Variants in MGAT4C observed in about 807,000 individuals in gnomAD.
The protein encoded by MGAT4C is alpha-1,3-mannosyl-glycoprotein 4-beta-N-acetylglucosaminyltransferase C.
MGAT4C carries 19 observed loss-of-function variants against 40.1 expected under a neutral mutation model. The observed-to-expected ratio is 0.47, with a 90% CI of 0.33 to 0.70. The LOEUF (loss-of-function observed/expected upper bound fraction) is 0.70, where lower values mean the gene tolerates loss of function less well. Among genes scored for constraint, MGAT4C ranks in the 30% least tolerant of loss-of-function variants. The pLI is 0.02. For synonymous variants in MGAT4C, 181 were observed against 187.1 expected (o/e 0.97, Z 0.27); for missense variants, 491 against 563.2 (o/e 0.87, Z 1.30).
chr12:86,707,172 G>A (rs1416905111), intron 2 of MGAT4C, among the ~76,000 whole-genome samples: 1 of 152,128 alleles, frequency 6.6e-6, no homozygotes, highest in Non-Finnish European at 1.5e-5. Flanking sequence ...CCAGTAAAGT[G>A]GGAACTGCTA....
At chr12:86,317,773 A>G (rs1954279890) in intron 4 of MGAT4C, among the ~76,000 whole-genome samples, 1 of 151,970 alleles carries the variant, frequency 6.6e-6, no homozygotes, top group Middle Eastern at 3.4e-3. Flanking sequence ...AATTAATAAG[A>G]TATTTCAGGA....
At chr12:86,445,684 C>T (rs1456584861) in intron 2 of MGAT4C, among the ~76,000 whole-genome samples, 1 of 152,090 alleles carries the variant, frequency 6.6e-6, no homozygotes, top group African/African-American at 2.4e-5. Flanking sequence ...AAAATATTTA[C>T]ATAATAGAAT....
Position 86,246,326 on chromosome 12 carries a change from C to T in MGAT4C, c.-57+9913G>A, listed in dbSNP as rs953317459. On this transcript the variant is annotated intron_variant, in intron 1 of 4. Coordinates refer to ENST00000611864, the MANE Select transcript of MGAT4C (RefSeq NM_001351288.2). ...TCAGCCTCCGGAGTAGCTGGGACTACAGGCGCCCGTCAACCATTGCTTCTT... is the reference window on the plus strand; with the variant it reads ...TCAGCCTCCGGAGTAGCTGGGACTATAGGCGCCCGTCAACCATTGCTTCTT... Among the ~76,000 whole-genome samples the T allele has an allele frequency of 2.6e-5, 4 of 152,050 alleles. No individual in the cohort carries two copies. In the East Asian group the frequency reaches 7.8e-4, roughly 30 times the overall value.
At chr12:86,834,560 C>A (rs1021100548) in intron 1 of MGAT4C, among the ~76,000 whole-genome samples, 1 of 151,046 alleles carries the variant, frequency 6.6e-6, no homozygotes, top group Non-Finnish European at 1.5e-5. Context: ...GTCATTTGAT[C>A]CATATCACCA....
At chr12:86,093,799 C>T (rs188013908) in intron 1 of MGAT4C, among the ~76,000 whole-genome samples, 208 of 152,072 alleles carry the variant, frequency 1.4e-3, no homozygotes, top group Non-Finnish European at 2.3e-3. Context: ...TTAAATTACT[C>T]TTATTTACCT....
chr12:86,064,326 G>A (rs1894296886), intron 1 of MGAT4C, among the ~76,000 whole-genome samples: 1 of 152,142 alleles, frequency 6.6e-6, no homozygotes, highest in Non-Finnish European at 1.5e-5. Flanking sequence ...CTTGCAGTGA[G>A]CCAAGATCAC....
intron 1 of MGAT4C, among the ~76,000 whole-genome samples, chr12:86,728,336 A>C (rs115182288): frequency 0.02 from 3,120 of 152,220 alleles, 97 homozygotes; most frequent in African/African-American, 0.071. Flanking sequence ...CCCCTGTCTT[A>C]TTATAGAAAT....
At chr12:86,819,173 G>A (rs1023806634) in intron 1 of MGAT4C, among the ~76,000 whole-genome samples, 12 of 150,862 alleles carry the variant, frequency 8.0e-5, no homozygotes, top group African/African-American at 2.9e-4. Flanking sequence ...TTACATGAAA[G>A]AAGTCAATTA....
intron 2 of MGAT4C, among the ~76,000 whole-genome samples, chr12:86,015,028 G>T (rs1888936175): frequency 6.8e-6 from 1 of 147,192 alleles, no homozygotes; most frequent in Non-Finnish European, 1.5e-5. Flanking sequence ...GTCCAGGCTG[G>T]TCTTGAACTT....
chr12:86,816,663 T>C (rs1251528613), intron 1 of MGAT4C, among the ~76,000 whole-genome samples: 1 of 151,656 alleles, frequency 6.6e-6, no homozygotes, highest in Non-Finnish European at 1.5e-5. Context: ...ACTAAAAATT[T>C]TTTTAGAACA....
chr12:86,121,863 G>A lies in MGAT4C; in HGVS notation c.-56-72140C>T, dbSNP rs181239913. On this transcript the variant is annotated intron_variant, in intron 1 of 4. Coordinates refer to ENST00000611864, the MANE Select transcript of MGAT4C (RefSeq NM_001351288.2). ...AATTGTTCCCATTTAATTAATGAAG[G>A]CTTCCATAGCTTTGGAATAGATTTT... 4.3e-4 allele frequency among the ~76,000 whole-genome samples: 65 copies of A among 152,160 alleles called. No homozygotes were observed. In the Middle Eastern group the frequency reaches 0.014, roughly 32 times the overall value.
At chr12:86,301,570 G>T (rs912558481) in intron 4 of MGAT4C, among the ~76,000 whole-genome samples, 2 of 152,090 alleles carry the variant, frequency 1.3e-5, no homozygotes, top group Non-Finnish European at 2.9e-5. Flanking sequence ...TATTTGAGTG[G>T]ATGTATCTTC....
At chr12:86,342,878 G>A (rs566819264) in intron 3 of MGAT4C, among the ~76,000 whole-genome samples, 75 of 152,220 alleles carry the variant, frequency 4.9e-4, no homozygotes, top group African/African-American at 1.8e-3. Flanking sequence ...GCAATCGATT[G>A]ATTATAATTA....
intron 3 of MGAT4C, among the ~76,000 whole-genome samples, chr12:86,385,591 C>T (rs1035787065): frequency 2.6e-5 from 4 of 152,220 alleles, no homozygotes; most frequent in African/African-American, 4.8e-5. Flanking sequence ...TGGTCCAAGC[C>T]TGTCTTGTCA....
At chr12:86,672,184 C>G (rs572181586) in intron 2 of MGAT4C, among the ~76,000 whole-genome samples, 6 of 152,066 alleles carry the variant, frequency 3.9e-5, no homozygotes, top group Admixed American at 3.9e-4. Flanking sequence ...TCTTGAATGA[C>G]CAGTGGGACA....
chr12:86,506,960 G>C (rs1410019133), intron 2 of MGAT4C, among the ~76,000 whole-genome samples: 1 of 152,122 alleles, frequency 6.6e-6, no homozygotes, highest in Admixed American at 6.6e-5. Context: ...AAATGTTATT[G>C]ACCAGGATTG....
chr12:86,063,329 G>A (rs1281789766), intron 1 of MGAT4C, among the ~76,000 whole-genome samples: 1 of 152,166 alleles, frequency 6.6e-6, no homozygotes, highest in Admixed American at 6.5e-5. Context: ...AATGCTGAGA[G>A]ATTTTGTCAC....
intron 2 of MGAT4C, among the ~76,000 whole-genome samples, chr12:86,462,761 A>C (rs1046746406): frequency 6.6e-6 from 1 of 152,152 alleles, no homozygotes; most frequent in Non-Finnish European, 1.5e-5. Context: ...TGAGTGCAAG[A>C]AGCAGCCATT....
intron 2 of MGAT4C, among the ~76,000 whole-genome samples, chr12:86,551,893 G>A (rs1280544583): frequency 6.6e-6 from 1 of 151,844 alleles, no homozygotes; most frequent in East Asian, 1.9e-4. Context: ...ACCAAAGCCA[G>A]TGCATCCCAC....
Sources: gnomAD v4.1 joint callset for allele counts (sites outside exome capture counted in the v4.1 genomes callset) on GRCh38, gnomAD v4.1.1 for gene constraint, MANE v1.5 for transcripts, NCBI Gene and HGNC (gene_info 2026-07-23, HGNC 2026-07-21) for gene names.